Variants in PLEKHA8 observed in about 807,000 individuals in gnomAD.
The protein encoded by PLEKHA8 is pleckstrin homology domain-containing family A member 8.
In PLEKHA8, 36 loss-of-function variants were observed where a neutral mutation model predicts 68.2. The observed-to-expected ratio is 0.53, with a 90% CI of 0.40 to 0.70. PLEKHA8 has a LOEUF of 0.70. Ranked by LOEUF, PLEKHA8 falls within the 30% of genes least tolerant of loss-of-function variation. PLEKHA8 has a pLI of 0.00. For missense variants in PLEKHA8, 505 were observed against 615.4 expected, an observed-to-expected ratio of 0.82 and a Z score of 1.90; for synonymous variants, 211 against 216.1, an observed-to-expected ratio of 0.98 and a Z score of 0.20.
chr7:30,102,703 A>G (rs1795895698), intron 13 of PLEKHA8, among the ~76,000 whole-genome samples: 1 of 152,262 alleles, frequency 6.6e-6, no homozygotes, highest in African/African-American at 2.4e-5. Flanking sequence ...CTCCACTTAT[A>G]TGAAATATCT....
chr7:30,096,051 A>G (rs1352372726), intron 13 of PLEKHA8, among the ~76,000 whole-genome samples: 4 of 152,052 alleles, frequency 2.6e-5, no homozygotes, highest in East Asian at 1.9e-4. Flanking sequence ...GTTTTTTCCA[A>G]TTTTGTGAAG....
intron 13 of PLEKHA8, among the ~76,000 whole-genome samples, chr7:30,099,231 C>G (rs1795755696): frequency 6.6e-6 from 1 of 152,132 alleles, no homozygotes; most frequent in Non-Finnish European, 1.5e-5. Context: ...GTCTCCACAC[C>G]AAGCAAGAAA....
chr7:30,115,870 A>G (rs1562558138), intron 13 of PLEKHA8: 1 of 144,826 alleles, frequency 6.9e-6, no homozygotes, highest in African/African-American at 2.5e-5. Flanking sequence ...GTGCACATAC[A>G]TGTAGGCACG....
intron 13 of PLEKHA8, among the ~76,000 whole-genome samples, chr7:30,099,357 G>C (rs960822006): frequency 2.0e-5 from 3 of 152,172 alleles, no homozygotes; most frequent in Non-Finnish European, 4.4e-5. Context: ...TGTAGTAATG[G>C]ACATAAGACA....
chr7:30,099,896 A>G (rs1429424663), intron 13 of PLEKHA8, among the ~76,000 whole-genome samples: 1 of 152,230 alleles, frequency 6.6e-6, no homozygotes, highest in African/African-American at 2.4e-5. Context: ...CAGGTCGCTT[A>G]AAACAACAGA....
chr7:30,105,761 T>A (rs1796032290), intron 13 of PLEKHA8, among the ~76,000 whole-genome samples: 2 of 152,238 alleles, frequency 1.3e-5, no homozygotes, highest in South Asian at 4.1e-4. Context: ...TATTGCTTGT[T>A]CATAGTTTAT....
intron 1 of PLEKHA8, among the ~76,000 whole-genome samples, chr7:30,030,351 C>T (rs1007043739): frequency 4.6e-5 from 7 of 151,924 alleles, no homozygotes; most frequent in African/African-American, 1.7e-4. Flanking sequence ...AGTTTAGTCT[C>T]TTGATACAGT....
Position 30,073,988 on chromosome 7 carries a change from T to TAA in PLEKHA8, c.1301-71_1301-70dup, listed in dbSNP as rs377361906. 3.9e-3 allele frequency: 3,475 copies of TAA among 894,694 alleles called. 5 individuals are homozygous for TAA. Among genetic ancestry groups the TAA allele is most frequent in the Admixed American group, 0.031 (1,082 of 35,016 alleles). 55.4% of individuals were successfully genotyped at this position (894,694 alleles called of 1,614,324 possible). A position where few individuals can be genotyped will look rare whatever the true frequency, so the allele number is the denominator to read the frequency against. On this transcript the variant is annotated intron_variant, in intron 12 of 13. Coordinates refer to ENST00000449726, the MANE Select transcript of PLEKHA8 (RefSeq NM_001197026.2). ...GTGACAGAGCAAGACCCTGTCTCTT[T>TAA]AAAAAAAAAAAAAGTACATTATACA...
chr7:30,103,349 G>A (rs1251423259), intron 13 of PLEKHA8, among the ~76,000 whole-genome samples: 6 of 152,156 alleles, frequency 3.9e-5, no homozygotes, highest in East Asian at 1.9e-4. Context: ...CACTTTAAAT[G>A]TATGAATTGT....
chr7:30,122,772 C>T (rs1185561936), intron 13 of PLEKHA8, among the ~76,000 whole-genome samples: 3 of 152,158 alleles, frequency 2.0e-5, no homozygotes, highest in Non-Finnish European at 4.4e-5. Context: ...AAAGCATTCT[C>T]CTCCACATGC....
rs1242906141 is a variant in PLEKHA8, at chr7:30,046,314, C to G, written c.262C>G (p.Leu88Val). 17 of 1,613,804 alleles carry G rather than the reference C, an allele frequency of 1.1e-5. No individual in the cohort carries two copies. The highest frequency in any genetic ancestry group is 1.4e-5 in the Non-Finnish European group (16 of 1,179,816). Residue 88 changes from leucine (L) to valine (V), a missense_variant, in exon 3 of 14, where the codon CTG becomes GTG. Physicochemically the swap from Leu to Val is conservative, Grantham distance 32 (BLOSUM62 1). Coordinates refer to ENST00000449726, the MANE Select transcript of PLEKHA8 (RefSeq NM_001197026.2). The stretch of plus-strand genomic sequence containing the variant: ...TGAAAGACAGCGGTGGCTGGTGGCC[C>G]TGGGATCAGCCAAGGCTTGCCTGAC... ...VAERQRWLVA[L>V]GSAKACLTDS...
chr7:30,098,035 C>T (rs1348411864), intron 13 of PLEKHA8, among the ~76,000 whole-genome samples: 1 of 152,178 alleles, frequency 6.6e-6, no homozygotes, highest in African/African-American at 2.4e-5. Flanking sequence ...TGTTAGTTTT[C>T]CTTCTAACAG....
chr7:30,065,971 A>G (rs1793821725), intron 12 of PLEKHA8, among the ~76,000 whole-genome samples: 1 of 152,180 alleles, frequency 6.6e-6, no homozygotes, highest in African/African-American at 2.4e-5. Context: ...GGGGCCTGGC[A>G]GTCCGTGTTT....
intron 6 of PLEKHA8, 52 bp downstream of exon 6, chr7:30,050,526 G>T (rs773840652): frequency 2.7e-6 from 4 of 1,463,952 alleles, no homozygotes; most frequent in Non-Finnish European, 3.6e-6. Flanking sequence ...TAAGGATATT[G>T]TTATTCCTTG....
chr7:30,106,812 G>A (rs28435314), intron 13 of PLEKHA8, among the ~76,000 whole-genome samples: 41,568 of 152,034 alleles, frequency 0.27, 6,113 homozygotes, highest in African/African-American at 0.38. Context: ...GTATTGTATT[G>A]GGCATTATAA....
At chr7:30,093,393 G>T (rs949152222), downstream of PLEKHA8, among the ~76,000 whole-genome samples, 10 of 152,136 alleles carry the variant, frequency 6.6e-5, no homozygotes, top group African/African-American at 2.4e-4. Flanking sequence ...GCTCAAGGTG[G>T]GTGAGAAAGC....
At chr7:30,053,497 A>G (rs1792583917) in intron 7 of PLEKHA8, among the ~76,000 whole-genome samples, 1 of 152,146 alleles carries the variant, frequency 6.6e-6, no homozygotes, top group African/African-American at 2.4e-5. Context: ...TTTTTTCTCG[A>G]TGAATTGGGG....
chr7:30,102,110 A>G (rs991548707), intron 13 of PLEKHA8, among the ~76,000 whole-genome samples: 2 of 152,208 alleles, frequency 1.3e-5, no homozygotes, highest in African/African-American at 4.8e-5. Flanking sequence ...AACCCAATTT[A>G]AAAATAGGCA....
chr7:30,094,944 G>A (rs967588644), downstream of PLEKHA8, among the ~76,000 whole-genome samples: 1 of 152,084 alleles, frequency 6.6e-6, no homozygotes, highest in Admixed American at 6.6e-5. Context: ...ATTTGGGTTG[G>A]TTCCAAGTCT....
Sources: allele counts gnomAD v4.1 joint callset (sites outside exome capture counted in the v4.1 genomes callset), GRCh38; gene constraint gnomAD v4.1.1; transcripts MANE v1.5; gene names NCBI Gene and HGNC (gene_info 2026-07-23, HGNC 2026-07-21).